The following TSPAN7 variants were observed in gnomAD, a reference collection of about 807,000 sequenced individuals.
The protein encoded by TSPAN7 is tetraspanin-7.
TSPAN7 carries 1 observed loss-of-function variant against 17.6 expected under a neutral mutation model. The observed-to-expected ratio is 0.06, with a 90% CI of 0.02 to 0.27. The LOEUF (loss-of-function observed/expected upper bound fraction) is 0.27, where lower values mean the gene tolerates loss of function less well. Ranked by LOEUF, TSPAN7 falls within the 10% of genes least tolerant of loss-of-function variation. The probability of loss-of-function intolerance (pLI) is 1.00; values close to 1 mark genes in which losing one functional copy is unlikely to be tolerated. For missense variants in TSPAN7, 112 were observed against 201.7 expected, an observed-to-expected ratio of 0.56 and a Z score of 2.69; for synonymous variants, 78 against 79.0, an observed-to-expected ratio of 0.99 and a Z score of 0.07.
At chrX:38,673,447 A>G (rs2069835038) in intron 3 of TSPAN7, among the ~76,000 whole-genome samples, 1 of 103,328 alleles carries the variant, frequency 9.7e-6, no homozygotes, top group East Asian at 3.0e-4. Flanking sequence ...TGCTTACTGC[A>G]ACCTCTGCCT....
At chrX:38,591,289 G>A (rs934138712) in intron 1 of TSPAN7, among the ~76,000 whole-genome samples, 35 of 110,685 alleles carry the variant, frequency 3.2e-4, no homozygotes, top group African/African-American at 1.1e-3. Context: ...TCTTTAATCC[G>A]TGGATGACTT....
intron 1 of TSPAN7, among the ~76,000 whole-genome samples, chrX:38,581,486 C>T (rs777946595): frequency 1.4e-4 from 16 of 111,069 alleles, no homozygotes; most frequent in Non-Finnish European, 2.5e-4. Context: ...AAGAACAGCA[C>T]GGGAAAGACC....
rs2069820484 is a variant in TSPAN7 at position 38,671,462 on chromosome X, C to T, written c.345+12C>T. 1 of 1,205,419 alleles carries T rather than the reference C, an allele frequency of 8.3e-7. No individual in the cohort carries two copies. ...TGTTTCGTCATGAGGTGAGTATACA[C>T]AAAATGCAGAACTCAGTTAAGGGGT... On this transcript the variant is annotated intron_variant, in intron 3 of 7. Transcript: ENST00000378482.
intron 1 of TSPAN7, among the ~76,000 whole-genome samples, chrX:38,577,687 T>A (rs2069202952): frequency 1.1e-5 from 1 of 94,480 alleles, no homozygotes; most frequent in African/African-American, 3.8e-5. Context: ...GGGGGAGGGA[T>A]AGCATTAGGA....
At chrX:38,659,537 AGAGT>A (rs2069728322) in intron 1 of TSPAN7, among the ~76,000 whole-genome samples, 1 of 111,982 alleles carries the variant, frequency 8.9e-6, no homozygotes, top group South Asian at 3.7e-4. Flanking sequence ...ATTTTATTGA[AGAGT>A]GAGCTGAGGC....
At chrX:38,623,276 T>C (rs778928191) in intron 1 of TSPAN7, among the ~76,000 whole-genome samples, 1 of 111,403 alleles carries the variant, frequency 9.0e-6, no homozygotes, top group East Asian at 2.9e-4. Context: ...AGCACTGAAG[T>C]TAATGCCATG....
chrX:38,649,285 G>T (rs143967317), intron 1 of TSPAN7, among the ~76,000 whole-genome samples: 1 of 111,497 alleles, frequency 9.0e-6, no homozygotes, highest in Non-Finnish European at 1.9e-5. Flanking sequence ...AGTCAGAAGG[G>T]GGGTGGTGGT....
Position 38,561,630 on chromosome X carries a change from A to G in TSPAN7, c.81+3A>G, listed in dbSNP as rs778015385. On this transcript the variant is annotated splice_donor_region_variant and intron_variant, in intron 1 of 7. Coordinates refer to ENST00000378482, the MANE Select transcript of TSPAN7 (RefSeq NM_004615.4). ...TCATCTACTCCTTCGTCTTCTGGGT[A>G]AGTGCCCACGCCGGGCCGGTGGCCG... The G allele has an allele frequency of 8.3e-6, 10 of 1,200,904 alleles. No homozygotes were observed. The highest frequency in any genetic ancestry group is 1.1e-5 in the Non-Finnish European group (10 of 887,754).
At chrX:38,595,743 A>G (rs192504241) in intron 1 of TSPAN7, among the ~76,000 whole-genome samples, 2 of 112,070 alleles carry the variant, frequency 1.8e-5, no homozygotes, top group East Asian at 5.6e-4. Context: ...TGTTAAATTT[A>G]AATTATTAAA....
In TSPAN7 at chrX:38,688,580, T is replaced by C. The variant is rs1014102253; in HGVS notation, c.*649T>C. On this transcript the variant is annotated 3_prime_UTR_variant, in exon 8 of 8. Coordinates refer to ENST00000378482, the MANE Select transcript of TSPAN7 (RefSeq NM_004615.4). ...TGCTTGTTACATACCTGGGTATGTGTAGGCAGTTTAGTGCATCTTTGCCTC... is the reference window on the plus strand; with the variant it reads ...TGCTTGTTACATACCTGGGTATGTGCAGGCAGTTTAGTGCATCTTTGCCTC... 1.8e-5 allele frequency: 2 copies of C among 112,699 alleles called. No individual in the cohort carries two copies. Among genetic ancestry groups the C allele is most frequent in the African/African-American group, 3.2e-5 (1 of 30,947 alleles). The allele number at this position is 112,699 out of a possible 1,213,427, so 9.3% of individuals were successfully genotyped here.
intron 1 of TSPAN7, among the ~76,000 whole-genome samples, chrX:38,601,362 G>C (rs2069346141): frequency 9.0e-6 from 1 of 111,488 alleles, no homozygotes; most frequent in African/African-American, 3.3e-5. Context: ...CCCTGCCATG[G>C]GGTAAGTATA....
intron 1 of TSPAN7, among the ~76,000 whole-genome samples, chrX:38,640,131 G>A (rs2069604249): frequency 9.0e-6 from 1 of 111,522 alleles, no homozygotes; most frequent in Non-Finnish European, 1.9e-5. Context: ...AAAACATGAT[G>A]GTGTGAAAAC....
intron 1 of TSPAN7, among the ~76,000 whole-genome samples, chrX:38,610,261 A>G (rs185513293): frequency 3.2e-4 from 36 of 112,008 alleles, no homozygotes; most frequent in African/African-American, 1.1e-3. Flanking sequence ...GAGCAGTTAT[A>G]TAAGTTGTCC....
chrX:38,568,487 C>G (rs756953391), intron 1 of TSPAN7, among the ~76,000 whole-genome samples: 1 of 110,955 alleles, frequency 9.0e-6, no homozygotes, highest in Non-Finnish European at 1.9e-5. Flanking sequence ...CTGTTTCTCC[C>G]TATTCCAAGT....
chrX:38,663,249 A>C (rs1451238684), intron 1 of TSPAN7, among the ~76,000 whole-genome samples: 1 of 111,597 alleles, frequency 9.0e-6, no homozygotes, highest in African/African-American at 3.3e-5. Context: ...TGGCATTTGC[A>C]GCAACCTGGA....
chrX:38,673,564 G>T (rs1389879979), intron 3 of TSPAN7, among the ~76,000 whole-genome samples: 2 of 109,423 alleles, frequency 1.8e-5, no homozygotes. Context: ...GTAGAGACTG[G>T]GTTTTGCCAT....
At chrX:38,642,476 G>A (rs1051915663) in intron 1 of TSPAN7, among the ~76,000 whole-genome samples, 6 of 111,897 alleles carry the variant, frequency 5.4e-5, no homozygotes, top group African/African-American at 1.6e-4. Flanking sequence ...CTAAACACAC[G>A]AAACAAATAA....
At chrX:38,633,595 C>T (rs148013328) in intron 1 of TSPAN7, among the ~76,000 whole-genome samples, 32 of 112,678 alleles carry the variant, frequency 2.8e-4, no homozygotes, top group African/African-American at 8.7e-4. Context: ...TCAACATACA[C>T]ATGACAAAGC....
intron 1 of TSPAN7, among the ~76,000 whole-genome samples, chrX:38,643,753 G>A (rs977609364): frequency 3.6e-5 from 4 of 110,381 alleles, no homozygotes; most frequent in Admixed American, 9.7e-5. Context: ...GCTGAGGCAG[G>A]AGAATGGCGT....
Sources: gnomAD v4.1 joint callset for allele counts (sites outside exome capture counted in the v4.1 genomes callset) on GRCh38, gnomAD v4.1.1 for gene constraint, MANE v1.5 for transcripts, NCBI Gene and HGNC (gene_info 2026-07-23, HGNC 2026-07-21) for gene names.